The following MIPOL1 variants were observed in gnomAD, a reference collection of about 807,000 sequenced individuals.
MIPOL1 encodes the protein mirror-image polydactyly gene 1 protein.
In MIPOL1, 57 loss-of-function variants were observed where a neutral mutation model predicts 60.9. The ratio of observed to expected loss-of-function variants is 0.94; its 90% confidence interval spans 0.76 to 1.17. The LOEUF is 1.17. Ranked by LOEUF, MIPOL1 falls within the 50% of genes most tolerant of loss-of-function variation. The pLI, the probability that MIPOL1 is intolerant of heterozygous loss-of-function variation, is 0.00. For missense variants in MIPOL1, 551 were observed against 511.6 expected (o/e 1.08, Z -0.74); for synonymous variants, 179 against 168.8 (o/e 1.06, Z -0.47).
intron 9 of MIPOL1, among the ~76,000 whole-genome samples, chr14:37,309,102 T>TTTTATTTA (rs59311227): frequency 0.012 from 1,649 of 142,766 alleles, 10 homozygotes; most frequent in Middle Eastern, 0.039. Context: ...TTTCTTGTTA[T>TTTTATTTA]TTTATTTATT....
chr14:37,222,597 T>C (rs1171379380), intron 1 of MIPOL1, among the ~76,000 whole-genome samples: 1 of 152,180 alleles, frequency 6.6e-6, no homozygotes, highest in Non-Finnish European at 1.5e-5. Flanking sequence ...ATAACAAGGA[T>C]TGCCTTTACT....
intron 11 of MIPOL1, among the ~76,000 whole-genome samples, chr14:37,480,669 C>T (rs572138502): frequency 4.5e-4 from 69 of 152,250 alleles, no homozygotes; most frequent in African/African-American, 1.6e-3. Flanking sequence ...CCAGCTCTCA[C>T]CATTTCTTTT....
In MIPOL1 at chr14:37,446,145, A is replaced by C. The variant is rs191995811; in HGVS notation, c.1031+23196A>C. ...ATCAGAGTGAACAGGCAACCTACAA[A>C]ATGGGAGAAAATTTTTGCAACCTAC... On this transcript the variant is annotated intron_variant, in intron 11 of 12. Transcript: ENST00000684589. Among the ~76,000 whole-genome samples, 1,248 of 152,268 alleles carry C rather than the reference A, an allele frequency of 8.2e-3. 53 individuals are homozygous for C. The highest frequency in any genetic ancestry group is 0.063 in the Admixed American group (970 of 15,292).
intron 9 of MIPOL1, among the ~76,000 whole-genome samples, chr14:37,336,906 A>G (rs893608651): frequency 6.6e-5 from 10 of 151,594 alleles, no homozygotes; most frequent in Admixed American, 4.6e-4. Flanking sequence ...GACTACAGTC[A>G]CGCACCACCA....
At chr14:37,403,650 T>C (rs1178232278) in intron 10 of MIPOL1, among the ~76,000 whole-genome samples, 1 of 152,112 alleles carries the variant, frequency 6.6e-6, no homozygotes, top group African/African-American at 2.4e-5. Flanking sequence ...TTAGAAAGTT[T>C]GGTTCTGTTC....
At chr14:37,525,065 C>T (rs545933270) in intron 12 of MIPOL1, among the ~76,000 whole-genome samples, 1 of 152,096 alleles carries the variant, frequency 6.6e-6, no homozygotes, top group Non-Finnish European at 1.5e-5. Flanking sequence ...GAGAGTAGTT[C>T]GTGTCCTACC....
At chr14:37,408,050 T>G (rs1436553686) in intron 10 of MIPOL1, among the ~76,000 whole-genome samples, 1 of 151,482 alleles carries the variant, frequency 6.6e-6, no homozygotes, top group Non-Finnish European at 1.5e-5. Context: ...ATTTTTTATT[T>G]TTTGTGGAGA....
chr14:37,291,020 A>G (rs892009221), intron 7 of MIPOL1, among the ~76,000 whole-genome samples: 1 of 152,080 alleles, frequency 6.6e-6, no homozygotes, highest in Non-Finnish European at 1.5e-5. Context: ...AGCTCCACCC[A>G]TGTTCCTGTG....
chr14:37,451,808 CTTTTTTTTTT>C (rs535978128), intron 11 of MIPOL1, among the ~76,000 whole-genome samples: 3 of 84,596 alleles, frequency 3.5e-5, no homozygotes, highest in African/African-American at 1.3e-4. Flanking sequence ...TTTATTCTCT[CTTTTTTTTTT>C]TTTTTTTTTT....
intron 10 of MIPOL1, among the ~76,000 whole-genome samples, chr14:37,381,622 A>C (rs1244196317): frequency 6.6e-6 from 1 of 151,830 alleles, no homozygotes; most frequent in African/African-American, 2.4e-5. Flanking sequence ...TCCTTCTGTC[A>C]CCCAGGCTGG....
At chr14:37,435,462 T>A (rs2094149330) in intron 11 of MIPOL1, among the ~76,000 whole-genome samples, 1 of 152,200 alleles carries the variant, frequency 6.6e-6, no homozygotes, top group African/African-American at 2.4e-5. Flanking sequence ...TTTTTTTTCA[T>A]AATAGACATG....
chr14:37,483,807 T>A (rs924816303), intron 11 of MIPOL1, among the ~76,000 whole-genome samples: 4 of 152,084 alleles, frequency 2.6e-5, no homozygotes, highest in Non-Finnish European at 5.9e-5. Context: ...ACTGATTTTT[T>A]AAAAATTTTG....
intron 9 of MIPOL1, among the ~76,000 whole-genome samples, chr14:37,336,580 A>G (rs903544079): frequency 6.6e-6 from 1 of 151,750 alleles, no homozygotes; most frequent in Middle Eastern, 3.4e-3. Flanking sequence ...GTCTTCCCTG[A>G]TGTCTACTTT....
chr14:37,528,575 CAGAA>C (rs2095461800), intron 12 of MIPOL1, among the ~76,000 whole-genome samples: 1 of 151,898 alleles, frequency 6.6e-6, no homozygotes, highest in Admixed American at 6.6e-5. Context: ...TTTTTTATAG[CAGAA>C]AGATAACATT....
At chr14:37,246,246 AC>A (rs1973182110) in intron 1 of MIPOL1, among the ~76,000 whole-genome samples, 2 of 152,120 alleles carry the variant, frequency 1.3e-5, no homozygotes, top group South Asian at 2.1e-4. Context: ...CTCGTTGGGT[AC>A]TAGAAGTTTC....
intron 3 of MIPOL1, among the ~76,000 whole-genome samples, chr14:37,260,400 A>G (rs2082442839): frequency 6.6e-6 from 1 of 152,132 alleles, no homozygotes; most frequent in African/African-American, 2.4e-5. Context: ...GGAGACACAC[A>G]TAGATGAGAA....
intron 9 of MIPOL1, among the ~76,000 whole-genome samples, chr14:37,347,299 C>T (rs140665130): frequency 3.6e-4 from 54 of 151,826 alleles, no homozygotes; most frequent in South Asian, 3.1e-3. Flanking sequence ...GAAAAAAAGA[C>T]GGACAGAATT....
intron 11 of MIPOL1, among the ~76,000 whole-genome samples, chr14:37,446,707 A>C (rs2094340848): frequency 6.6e-6 from 1 of 152,216 alleles, no homozygotes; most frequent in Non-Finnish European, 1.5e-5. Context: ...GGATTAAGAA[A>C]ATGTGGCACA....
intron 1 of MIPOL1, among the ~76,000 whole-genome samples, chr14:37,200,898 G>GTGTGTGTGTGT (rs1566965436): frequency 4.7e-5 from 2 of 42,436 alleles, no homozygotes; most frequent in Non-Finnish European, 8.5e-5. Flanking sequence ...GTGTGTGTGT[G>GTGTGTGTGTGT]TATTTTTTTT....
Sources: allele counts gnomAD v4.1 joint callset (sites outside exome capture counted in the v4.1 genomes callset), GRCh38; gene constraint gnomAD v4.1.1; transcripts MANE v1.5; gene names NCBI Gene and HGNC (gene_info 2026-07-23, HGNC 2026-07-21).